LRRTM3: variants seen among roughly 807,000 people sequenced by gnomAD.
The protein encoded by LRRTM3 is leucine rich repeat transmembrane neuronal 3.
LRRTM3 carries 24 observed loss-of-function variants against 44.7 expected under a neutral mutation model. That is an observed-to-expected ratio of 0.54 (90% CI 0.39 to 0.76). The LOEUF is 0.76. LRRTM3 is among the 30% of genes least tolerant of loss of function. The pLI, the probability that LRRTM3 is intolerant of heterozygous loss-of-function variation, is 0.00. For missense variants in LRRTM3, 587 were observed against 702.2 expected (o/e 0.84, Z 1.85); for synonymous variants, 277 against 278.7 (o/e 0.99, Z 0.06).
chr10:67,007,227 C>G (rs537294391), intron 2 of LRRTM3, among the ~76,000 whole-genome samples: 1 of 152,284 alleles, frequency 6.6e-6, no homozygotes, highest in African/African-American at 2.4e-5. Context: ...TGTTTAGCAT[C>G]AACACATTGA....
chr10:66,934,197 G>C (rs953849666), intron 2 of LRRTM3, among the ~76,000 whole-genome samples: 4 of 151,954 alleles, frequency 2.6e-5, no homozygotes, highest in African/African-American at 9.7e-5. Context: ...AAGAAAAACA[G>C]CTTCTATCTT....
At position 67,096,267 on chromosome 10, in the gene LRRTM3, A is replaced by G. The variant is rs571091999; in HGVS notation, c.1537-1320A>G. On this transcript the variant is annotated intron_variant, in intron 2 of 2. Transcript: ENST00000361320. ...GGTAATATTTGCTCCAGGAATTTTC[A>G]CTGAAGTAGAAATACATGTAAGTAG... 2.0e-5 allele frequency among the ~76,000 whole-genome samples: 3 copies of G among 151,972 alleles called. No individual in the cohort carries two copies. In the South Asian group the frequency reaches 6.2e-4, roughly 31 times the overall value.
rs1012403976 is a variant in LRRTM3, at chr10:67,098,652, A to G, written c.*856A>G. 1.3e-5 allele frequency: 2 copies of G among 152,364 alleles called. No individual in the cohort carries two copies. Among genetic ancestry groups the G allele is most frequent in the Non-Finnish European group, 2.9e-5 (2 of 67,912 alleles). The allele number at this position is 152,364 out of a possible 1,614,324, so 9.4% of individuals were successfully genotyped here. A position where few individuals can be genotyped will look rare whatever the true frequency, so the allele number is the denominator to read the frequency against. On this transcript the variant is annotated 3_prime_UTR_variant, in exon 3 of 3. Transcript: ENST00000361320. ...GGTTGGGGGAAAGCATGGACAAAAC[A>G]TCACTGGAAACAAAGGCTGTAACCA...
Position 67,097,774 on chromosome 10 carries a change from A to G in LRRTM3, c.1724A>G (p.Asp575Gly). The G allele has an allele frequency of 6.2e-7, 1 of 1,612,366 alleles. No individual in the cohort carries two copies. The change falls in exon 3 of 3, where the codon GAC becomes GGC. Residue 575 changes from aspartate to glycine, a missense_variant. Coordinates refer to ENST00000361320, the MANE Select transcript of LRRTM3 (RefSeq NM_178011.5). ...STITTAGRIS[D>G]HKQQLA is the part of the protein sequence containing the mutation. ...ATCACAACAGCTGGCCGAATCAGTG[A>G]CCATAAACAGCAGCTAGCTTAACTG...
chr10:66,956,383 CT>C (rs1317118603), intron 2 of LRRTM3, among the ~76,000 whole-genome samples: 1 of 151,972 alleles, frequency 6.6e-6, no homozygotes, highest in African/African-American at 2.4e-5. Context: ...GTAGGCATTG[CT>C]TGCTATCTTG....
At chr10:67,030,359 A>C (rs2133106807) in intron 2 of LRRTM3, among the ~76,000 whole-genome samples, 1 of 152,230 alleles carries the variant, frequency 6.6e-6, no homozygotes, top group African/African-American at 2.4e-5. Context: ...ACTTTTAAAA[A>C]CCCTCTTAAT....
intron 2 of LRRTM3, among the ~76,000 whole-genome samples, chr10:67,007,003 C>T (rs1481841676): frequency 6.6e-6 from 1 of 152,068 alleles, no homozygotes; most frequent in Non-Finnish European, 1.5e-5. Flanking sequence ...ACCATGTTGG[C>T]CAGGCTGTTC....
chr10:67,096,725 C>T (rs894524684), intron 2 of LRRTM3, among the ~76,000 whole-genome samples: 86 of 151,950 alleles, frequency 5.7e-4, no homozygotes, highest in African/African-American at 2.0e-3. Context: ...GTCATGCTTG[C>T]TTTTTCCCTC....
At chr10:67,001,539 T>G (rs555990699) in intron 2 of LRRTM3, among the ~76,000 whole-genome samples, 1 of 151,458 alleles carries the variant, frequency 6.6e-6, no homozygotes, top group Non-Finnish European at 1.5e-5. Context: ...CAGCTTGAAG[T>G]AAAACTTTCT....
At position 66,931,526 on chromosome 10, in the gene LRRTM3, T is replaced by C. The variant is rs151031436; in HGVS notation, c.1536+3074T>C. Among the ~76,000 whole-genome samples, 741 of 152,336 alleles carry C rather than the reference T, an allele frequency of 4.9e-3. 1 individual carries two copies. Among genetic ancestry groups the C allele is most frequent in the Non-Finnish European group, 8.7e-3 (589 of 68,020 alleles). Reference sequence around the variant, plus strand: ...CTACCTAAGTAGACAGGCAGTAAATTGTCTTTCTATGGAGCAGCAGTGACC... The same window carrying C: ...CTACCTAAGTAGACAGGCAGTAAATCGTCTTTCTATGGAGCAGCAGTGACC... On this transcript the variant is annotated intron_variant, in intron 2 of 2. Coordinates refer to ENST00000361320, the MANE Select transcript of LRRTM3 (RefSeq NM_178011.5).
At chr10:66,962,382 A>G (rs1849156791) in intron 2 of LRRTM3, among the ~76,000 whole-genome samples, 1 of 150,344 alleles carries the variant, frequency 6.7e-6, no homozygotes, top group South Asian at 2.1e-4. Flanking sequence ...CAACTCCTCT[A>G]AGTTTTTTTT....
intron 2 of LRRTM3, among the ~76,000 whole-genome samples, chr10:67,005,771 C>T (rs1008037036): frequency 9.0e-4 from 119 of 132,732 alleles, no homozygotes; most frequent in African/African-American, 3.0e-3. Flanking sequence ...CTGCAACCTC[C>T]GCCTCCCAGG....
intron 2 of LRRTM3, among the ~76,000 whole-genome samples, 174 bp downstream of exon 2, chr10:66,928,626 T>C (rs944821319): frequency 3.3e-5 from 5 of 152,164 alleles, no homozygotes; most frequent in African/African-American, 7.2e-5. Flanking sequence ...TACTGGTCAT[T>C]TTCCTCTCAT....
chr10:66,930,434 T>C (rs1191977793), intron 2 of LRRTM3, among the ~76,000 whole-genome samples: 2 of 152,194 alleles, frequency 1.3e-5, no homozygotes, highest in African/African-American at 4.8e-5. Flanking sequence ...AAAGCATCAG[T>C]AAATACATAT....
At chr10:67,004,936 C>A (rs1851885819) in intron 2 of LRRTM3, among the ~76,000 whole-genome samples, 1 of 152,098 alleles carries the variant, frequency 6.6e-6, no homozygotes. Flanking sequence ...TGTTGTTAGG[C>A]TGTATTACCC....
intron 2 of LRRTM3, among the ~76,000 whole-genome samples, chr10:67,025,044 C>A (rs1853268861): frequency 6.7e-6 from 1 of 149,728 alleles, no homozygotes; most frequent in African/African-American, 2.5e-5. Context: ...GCAGGAGAAT[C>A]ACTTGAACCC....
At chr10:67,056,023 A>G (rs1368315453) in intron 2 of LRRTM3, among the ~76,000 whole-genome samples, 1 of 152,054 alleles carries the variant, frequency 6.6e-6, no homozygotes, top group Non-Finnish European at 1.5e-5. Context: ...CACATGTAAT[A>G]TATGTATATT....
intron 2 of LRRTM3, among the ~76,000 whole-genome samples, chr10:67,022,793 C>T (rs1255276516): frequency 6.6e-6 from 1 of 152,000 alleles, no homozygotes; most frequent in African/African-American, 2.4e-5. Flanking sequence ...AAAAAATTAG[C>T]CGGGCGTGGT....
At chr10:67,031,059 C>T (rs1853696878) in intron 2 of LRRTM3, among the ~76,000 whole-genome samples, 1 of 152,118 alleles carries the variant, frequency 6.6e-6, no homozygotes. Context: ...AGCCTCTGAA[C>T]ACACATTTTA....
Sources: allele counts gnomAD v4.1 joint callset (sites outside exome capture counted in the v4.1 genomes callset), GRCh38; gene constraint gnomAD v4.1.1; transcripts MANE v1.5; gene names NCBI Gene and HGNC (gene_info 2026-07-23, HGNC 2026-07-21).